Variants in UBN2 observed in about 807,000 individuals in gnomAD.
UBN2 encodes the protein ubinuclein 2, also known as ubinuclein-2.
UBN2 carries 35 observed loss-of-function variants against 120.2 expected under a neutral mutation model. That is an observed-to-expected ratio of 0.29 (90% confidence interval 0.22 to 0.39). UBN2 has a LOEUF of 0.39. Ranked by LOEUF, UBN2 falls within the 10% of genes least tolerant of loss-of-function variation. The probability of loss-of-function intolerance (pLI) is 1.00; values close to 1 mark genes in which losing one functional copy is unlikely to be tolerated. For synonymous variants in UBN2, 661 were observed against 648.7 expected, an observed-to-expected ratio of 1.02 and a Z score of -0.29; for missense variants, 1,693 against 1,663.2, an observed-to-expected ratio of 1.02 and a Z score of -0.31.
intron 4 of UBN2, 34 bp downstream of exon 4, chr7:139,258,659 AT>A (rs1253268158): frequency 1.3e-6 from 2 of 1,495,888 alleles, no homozygotes; most frequent in Admixed American, 4.2e-5. Flanking sequence ...AGTACTGAGA[AT>A]GTTCAATTAA....
intron 8 of UBN2, among the ~76,000 whole-genome samples, chr7:139,270,822 A>G (rs1157139768): frequency 6.6e-6 from 1 of 151,710 alleles, no homozygotes; most frequent in African/African-American, 2.4e-5. Flanking sequence ...TCGGCTCACC[A>G]CAACCTCCAC....
chr7:139,261,805 CGTTT>C lies in UBN2; in HGVS notation c.1395+69_1395+72del, dbSNP rs1355046377. 235 of 1,496,546 alleles carry C rather than the reference CGTTT, an allele frequency of 1.6e-4. 1 individual carries two copies. Among genetic ancestry groups the C allele is most frequent in the Non-Finnish European group, 2.7e-5 (30 of 1,118,328 alleles). The allele number at this position is 1,496,546 out of a possible 1,614,324, so 92.7% of individuals were successfully genotyped here. On this transcript the variant is annotated intron_variant, in intron 6 of 17. Transcript: ENST00000473989. Reference sequence around the variant, plus strand: ...AAACATAAGAATTAATGCTTTTGTTCGTTTGTTTTTATTTTCCACATAACACTGG... The same window carrying C: ...AAACATAAGAATTAATGCTTTTGTTCGTTTTTATTTTCCACATAACACTGG...
At chr7:139,270,041 A>G (rs1185367082) in intron 8 of UBN2, among the ~76,000 whole-genome samples, 1 of 152,048 alleles carries the variant, frequency 6.6e-6, no homozygotes, top group East Asian at 1.9e-4. Context: ...AATCCCTGGC[A>G]TGTTTGAAGT....
intron 3 of UBN2, among the ~76,000 whole-genome samples, chr7:139,257,355 A>C (rs760273520): frequency 6.6e-6 from 1 of 152,114 alleles, no homozygotes; most frequent in Non-Finnish European, 1.5e-5. Context: ...ATGCTATTCA[A>C]TTCTTTTAAA....
chr7:139,276,141 C>G lies in UBN2; in HGVS notation c.2018C>G (p.Ser673Cys), dbSNP rs1469726499. 3 of 1,613,420 alleles carry G rather than the reference C, an allele frequency of 1.9e-6. No homozygotes were observed. The highest frequency in any genetic ancestry group is 1.1e-5 in the South Asian group (1 of 90,984). Residue 673 changes from serine (S) to cysteine (C), a missense_variant, in exon 12 of 18, where the codon TCT becomes TGT. This residue lies in a region of UBN2 where 837 missense variants were observed against 817.6 expected (regional missense o/e 1.02). Transcript: ENST00000473989. Reference sequence around the variant, plus strand: ...CGGAGTGTTCATAATCATCTTACTTCTGCTCCGTGAGTAAATGCAGACTCC... The same window carrying G: ...CGGAGTGTTCATAATCATCTTACTTGTGCTCCGTGAGTAAATGCAGACTCC... ...ESRSVHNHLT[S>C]APAKKKVIPA...
At position 139,258,570 on chromosome 7, in the gene UBN2, C is replaced by T. The variant is rs780803183; in HGVS notation, c.746C>T (p.Ala249Val). The T allele has an allele frequency of 1.6e-5, 26 of 1,607,200 alleles. No individual in the cohort carries two copies. Among genetic ancestry groups the T allele is most frequent in the Non-Finnish European group, 8.5e-7 (1 of 1,176,400 alleles). ...INTGTLQFRQASDTEEDDITD... is the reference protein window; with the variant it reads ...INTGTLQFRQVSDTEEDDITD... The stretch of plus-strand genomic sequence containing the variant: ...ACTGGCACTCTACAGTTTCGCCAAG[C>T]TTCAGATACTGAAGAAGATGATATT... The change falls in exon 4 of 18, where the codon GCT (alanine) becomes GTT (valine). Residue 249 changes from alanine (A) to valine (V), a missense_variant. Physicochemically the swap from Ala to Val is moderately conservative, Grantham distance 64. This residue lies in a region of UBN2 where 663 missense variants were observed against 591.2 expected (regional missense o/e 1.12). Transcript: ENST00000473989.
In UBN2 at chr7:139,297,919, C is replaced by A; in HGVS notation, c.*83C>A. On this transcript the variant is annotated 3_prime_UTR_variant, in exon 18 of 18. Transcript: ENST00000473989. ...GGAAAGTACTTATGTGGTCATAGGG[C>A]TGCTGTTTCTGTCGATGTTTACATT... The A allele has an allele frequency of 1.4e-6, 2 of 1,424,544 alleles. No homozygotes were observed. The highest frequency in any genetic ancestry group is 2.0e-6 in the Non-Finnish European group (2 of 1,011,798). 88.2% of individuals were successfully genotyped at this position (1,424,544 alleles called of 1,614,324 possible).
intron 2 of UBN2, among the ~76,000 whole-genome samples, chr7:139,248,433 A>G (rs957380050): frequency 6.6e-6 from 1 of 152,138 alleles, no homozygotes; most frequent in Admixed American, 6.5e-5. Context: ...TCAGAATTTA[A>G]AATCTTTTCA....
At position 139,306,878 on chromosome 7, in the gene UBN2, C is replaced by G. The variant is rs1195225045; in HGVS notation, c.*9042C>G. 1.3e-5 allele frequency: 2 copies of G among 152,190 alleles called. No homozygotes were observed. The highest frequency in any genetic ancestry group is 4.8e-5 in the African/African-American group (2 of 41,450). The allele number at this position is 152,190 out of a possible 1,614,324, so 9.4% of individuals were successfully genotyped here. Reference sequence around the variant, plus strand: ...GGTAACTAAGTAATGGATGTTTTCTCTCTTTTATTACAAGCAAGAAAGTTC... The same window carrying G: ...GGTAACTAAGTAATGGATGTTTTCTGTCTTTTATTACAAGCAAGAAAGTTC... On this transcript the variant is annotated 3_prime_UTR_variant, in exon 18 of 18. Transcript: ENST00000473989.
In UBN2 at chr7:139,231,264, C is replaced by G. The variant is rs1040855794; in HGVS notation, c.-221C>G. Among the ~76,000 whole-genome samples, 1 of 152,256 alleles carries G rather than the reference C, an allele frequency of 6.6e-6. No individual in the cohort carries two copies. The highest frequency in any genetic ancestry group is 6.5e-5 in the Admixed American group (1 of 15,288). ...GCTTCTATTTATGTGGGGGATCCAA[C>G]ATGGCGGCCGCGGCGACCCTGGCGA... On this transcript the variant is annotated 5_prime_UTR_variant, in exon 1 of 18. Coordinates refer to ENST00000473989, the MANE Select transcript of UBN2 (RefSeq NM_173569.4).
the UBN2 span, among the ~76,000 whole-genome samples, chr7:139,316,723 C>A: frequency 6.6e-6 from 1 of 151,712 alleles, no homozygotes; most frequent in African/African-American, 2.4e-5. Context: ...CCAGCCTGGA[C>A]GACAAGAGTG....
the UBN2 span, among the ~76,000 whole-genome samples, chr7:139,326,268 C>T: frequency 6.6e-6 from 1 of 151,934 alleles, no homozygotes; most frequent in Admixed American, 6.6e-5. Context: ...AACAAACAAA[C>T]AAACAAACAA....
chr7:139,293,838 A>G, intron 16 of UBN2, 51 bp from the exon 17 acceptor site: 1 of 1,551,324 alleles, frequency 6.4e-7, no homozygotes, highest in Non-Finnish European at 8.9e-7. Flanking sequence ...TTGAACTAAA[A>G]GGGCTCAAAT....
At chr7:139,239,677 C>T (rs1796262497) in intron 2 of UBN2, among the ~76,000 whole-genome samples, 1 of 150,580 alleles carries the variant, frequency 6.6e-6, no homozygotes, top group African/African-American at 2.4e-5. Flanking sequence ...CCTGCCTCAA[C>T]CTCCCAAGTA....
chr7:139,280,793 A>C (rs991743388), intron 13 of UBN2, among the ~76,000 whole-genome samples: 2 of 152,080 alleles, frequency 1.3e-5, no homozygotes, highest in South Asian at 2.1e-4. Flanking sequence ...CTACAGGCGC[A>C]CACCACCATG....
chr7:139,259,928 T>C (rs771874911), intron 5 of UBN2, among the ~76,000 whole-genome samples: 1 of 152,028 alleles, frequency 6.6e-6, no homozygotes, highest in Non-Finnish European at 1.5e-5. Context: ...TTTGTATTTT[T>C]AGTAGAGAAT....
chr7:139,281,210 T>G (rs1797598185), intron 13 of UBN2, among the ~76,000 whole-genome samples: 1 of 152,240 alleles, frequency 6.6e-6, no homozygotes, highest in African/African-American at 2.4e-5. Flanking sequence ...GTCATCAGTT[T>G]TTTTGTATGT....
At chr7:139,320,170 C>T in the UBN2 span, among the ~76,000 whole-genome samples, 21 of 151,964 alleles carry the variant, frequency 1.4e-4, no homozygotes, top group South Asian at 4.2e-3. Flanking sequence ...ATTTCAAAAA[C>T]AAAAATTCTG....
In UBN2 at chr7:139,238,282, C is replaced by T. The variant is rs145384189; in HGVS notation, c.561+1185C>T. Among the ~76,000 whole-genome samples, 18 of 152,228 alleles carry T rather than the reference C, an allele frequency of 1.2e-4. No homozygotes were observed. The East Asian group carries it at 3.5e-3, about 29-fold the overall frequency. Reference sequence around the variant, plus strand: ...AGGGATCTTGACCCATATGTGCTGGCTCCTTGTGGTAATTAAGAAACCATT... The same window carrying T: ...AGGGATCTTGACCCATATGTGCTGGTTCCTTGTGGTAATTAAGAAACCATT... On this transcript the variant is annotated intron_variant, in intron 2 of 17. Transcript: ENST00000473989.
Sources: allele counts gnomAD v4.1 joint callset (sites outside exome capture counted in the v4.1 genomes callset), GRCh38; gene constraint gnomAD v4.1.1; regional missense constraint gnomAD v4.1.1; transcripts MANE v1.5; gene names NCBI Gene and HGNC (gene_info 2026-07-23, HGNC 2026-07-21).